Variants in MTUS2 observed in about 807,000 individuals in gnomAD.
MTUS2 encodes microtubule-associated tumor suppressor candidate 2.
Under a neutral mutation model 114.1 loss-of-function variants are expected in MTUS2, and 40 were observed. That is an observed-to-expected ratio of 0.35 (90% CI 0.27 to 0.46). MTUS2 has a LOEUF of 0.46. Ranked by LOEUF, MTUS2 falls within the 20% of genes least tolerant of loss-of-function variation. The probability of loss-of-function intolerance (pLI) is 1.00; values close to 1 mark genes in which losing one functional copy is unlikely to be tolerated. For missense variants in MTUS2, 1,679 were observed against 1,705.4 expected, an observed-to-expected ratio of 0.98 and a Z score of 0.27; for synonymous variants, 688 against 672.0, an observed-to-expected ratio of 1.02 and a Z score of -0.37.
intron 7 of MTUS2, among the ~76,000 whole-genome samples, chr13:29,335,553 G>T (rs970172168): frequency 6.6e-6 from 1 of 152,094 alleles, no homozygotes; most frequent in Non-Finnish European, 1.5e-5. Flanking sequence ...ATAAAAACTT[G>T]CTGGTTTTGC....
At chr13:28,886,848 G>A (rs1157561965) in intron 2 of MTUS2, among the ~76,000 whole-genome samples, 2 of 152,218 alleles carry the variant, frequency 1.3e-5, no homozygotes, top group East Asian at 3.8e-4. Context: ...TTCAGATGCA[G>A]AATGATGGCC....
intron 8 of MTUS2, among the ~76,000 whole-genome samples, chr13:29,403,613 A>G (rs966773278): frequency 1.3e-5 from 2 of 152,320 alleles, no homozygotes; most frequent in Non-Finnish European, 2.9e-5. Context: ...AAGGCTGAGG[A>G]AGAGAGAACT....
chr13:28,990,954 A>T (rs933261488), intron 2 of MTUS2, among the ~76,000 whole-genome samples: 15 of 152,052 alleles, frequency 9.9e-5, no homozygotes, highest in Admixed American at 7.2e-4. Flanking sequence ...GAGCTGTAGC[A>T]CTCACCACGA....
At chr13:29,316,008 C>G (rs1301940532) in intron 6 of MTUS2, among the ~76,000 whole-genome samples, 6 of 152,128 alleles carry the variant, frequency 3.9e-5, no homozygotes, top group African/African-American at 1.4e-4. Flanking sequence ...GAACTGAAAG[C>G]TGGCATGCTG....
chr13:29,251,461 C>T lies in MTUS2; in HGVS notation c.2645-30243C>T, dbSNP rs186719192. On this transcript the variant is annotated intron_variant, in intron 5 of 15. Coordinates refer to ENST00000612955, the MANE Select transcript of MTUS2 (RefSeq NM_001033602.4). Reference sequence around the variant, plus strand: ...CTTTCACACCAACCTAATAAGTGTACAGTACAGTAGCACTAAGTACATTTA... The same window carrying T: ...CTTTCACACCAACCTAATAAGTGTATAGTACAGTAGCACTAAGTACATTTA... Among the ~76,000 whole-genome samples, 37 of 152,260 alleles carry T rather than the reference C, an allele frequency of 2.4e-4. No homozygotes were observed. In the East Asian group the frequency reaches 2.7e-3, roughly 11 times the overall value.
intron 5 of MTUS2, among the ~76,000 whole-genome samples, chr13:29,147,083 G>T (rs1457452462): frequency 6.6e-6 from 1 of 152,134 alleles, no homozygotes; most frequent in Non-Finnish European, 1.5e-5. Context: ...TTCAAATAAA[G>T]CCTATAAGTC....
intron 2 of MTUS2, among the ~76,000 whole-genome samples, chr13:28,935,161 G>T (rs955140295): frequency 1.3e-5 from 2 of 152,034 alleles, no homozygotes; most frequent in Non-Finnish European, 2.9e-5. Flanking sequence ...GCTGTGAAGT[G>T]TCCTATAGTA....
chr13:29,010,777 T>C (rs758805375), intron 2 of MTUS2, among the ~76,000 whole-genome samples: 5 of 152,138 alleles, frequency 3.3e-5, no homozygotes, highest in South Asian at 2.1e-4. Flanking sequence ...CCTCACACTT[T>C]AGTTAGAAAG....
intron 2 of MTUS2, among the ~76,000 whole-genome samples, chr13:28,850,145 A>T (rs999976762): frequency 1.6e-5 from 1 of 61,048 alleles, no homozygotes; most frequent in Non-Finnish European, 4.6e-5. Flanking sequence ...GCTCGTTGGT[A>T]TAAGGTCCTT....
Position 29,034,109 on chromosome 13 carries a change from C to G in MTUS2, c.2430C>G (p.Tyr810Ter). The G allele has an allele frequency of 6.2e-7, 1 of 1,614,044 alleles. No homozygotes were observed. The highest frequency in any genetic ancestry group is 8.5e-7 in the Non-Finnish European group (1 of 1,179,896). ...CCATAACAACAGCCACCAGTCTCTA[C>G]AGTTCCGATCCTTCAGGTAACCGAT... ...PGPITTATSL[Y>*]SSDPSADLKK... The change falls in exon 4 of 16, where the codon TAC becomes TAG. Residue 810 changes from tyrosine (Y) to a stop codon, truncating the protein, a stop_gained. Coordinates refer to ENST00000612955, the MANE Select transcript of MTUS2 (RefSeq NM_001033602.4). LOFTEE classifies it high-confidence loss of function.
intron 5 of MTUS2, among the ~76,000 whole-genome samples, chr13:29,112,900 G>A (rs1380941002): frequency 6.6e-6 from 1 of 152,114 alleles, no homozygotes; most frequent in Non-Finnish European, 1.5e-5. Context: ...TAACCATGAT[G>A]GAATTGGACA....
At chr13:28,949,625 T>C (rs1593325443) in intron 2 of MTUS2, among the ~76,000 whole-genome samples, 1 of 152,152 alleles carries the variant, frequency 6.6e-6, no homozygotes, top group Non-Finnish European at 1.5e-5. Context: ...CCTATTTTCC[T>C]CCCAGCCCCT....
At chr13:29,373,092 C>G (rs1566161300) in intron 8 of MTUS2, among the ~76,000 whole-genome samples, 2 of 152,180 alleles carry the variant, frequency 1.3e-5, no homozygotes, top group Non-Finnish European at 2.9e-5. Context: ...TGGACCTGGA[C>G]AGAAAGAGCT....
intron 2 of MTUS2, among the ~76,000 whole-genome samples, chr13:28,891,379 CTT>C (rs1239878716): frequency 1.3e-5 from 2 of 152,134 alleles, no homozygotes; most frequent in East Asian, 1.9e-4. Flanking sequence ...ACCATCTACT[CTT>C]TTATGTTTCA....
intron 5 of MTUS2, among the ~76,000 whole-genome samples, chr13:29,102,263 A>C (rs1413656861): frequency 6.6e-6 from 1 of 152,234 alleles, no homozygotes; most frequent in Non-Finnish European, 1.5e-5. Flanking sequence ...TTTATTAATA[A>C]AATTCCTGAT....
intron 6 of MTUS2, among the ~76,000 whole-genome samples, chr13:29,324,164 C>T (rs1318482827): frequency 6.6e-6 from 1 of 152,192 alleles, no homozygotes; most frequent in Non-Finnish European, 1.5e-5. Flanking sequence ...CAGACCATGT[C>T]CCCCGTGGCT....
Position 29,026,696 on chromosome 13 carries a change from G to T in MTUS2, c.1998G>T (p.Gly666=), listed in dbSNP as rs770177162. ...GQVDASLVPV[G]LPYAPPTCTM... is the part of the protein sequence containing the mutation. ...TGGACGCCTCGCTGGTTCCAGTGGG[G>T]CTTCCATATGCCCCGCCCACATGTA... is the stretch of plus-strand genomic sequence containing the variant. Residue 666 remains glycine (G), a synonymous_variant, in exon 3 of 16, where the codon GGG becomes GGT. Transcript: ENST00000612955. The T allele has an allele frequency of 2.5e-6, 4 of 1,614,020 alleles. No individual in the cohort carries two copies. Among genetic ancestry groups the T allele is most frequent in the Non-Finnish European group, 3.4e-6 (4 of 1,179,890 alleles).
At chr13:29,324,032 C>T (rs914854416) in intron 6 of MTUS2, among the ~76,000 whole-genome samples, 3 of 152,166 alleles carry the variant, frequency 2.0e-5, no homozygotes, top group African/African-American at 7.2e-5. Context: ...TGAGGAGCGT[C>T]CACATGCTTT....
intron 2 of MTUS2, among the ~76,000 whole-genome samples, chr13:28,946,145 C>G (rs1431605593): frequency 6.6e-6 from 1 of 152,154 alleles, no homozygotes; most frequent in African/African-American, 2.4e-5. Flanking sequence ...CTCTTACTGA[C>G]ATTTTGTTAA....
Sources: gnomAD v4.1 joint callset for allele counts (sites outside exome capture counted in the v4.1 genomes callset) on GRCh38, gnomAD v4.1.1 for gene constraint, MANE v1.5 for transcripts, NCBI Gene and HGNC (gene_info 2026-07-23, HGNC 2026-07-21) for gene names.